The following WDPCP variants were observed in gnomAD, a reference collection of about 807,000 sequenced individuals.
WDPCP encodes the protein WD repeat containing planar cell polarity effector.
A neutral mutation model predicts 93.1 loss-of-function variants in WDPCP; 71 were observed. The observed-to-expected ratio is 0.76, with a 90% CI of 0.63 to 0.93. WDPCP has a LOEUF of 0.93. Ranked by LOEUF, WDPCP falls within the 40% of genes least tolerant of loss-of-function variation. The pLI is 0.00. For missense variants in WDPCP, 844 were observed against 887.4 expected, an observed-to-expected ratio of 0.95 and a Z score of 0.62; for synonymous variants, 315 against 315.0, an observed-to-expected ratio of 1.00 and a Z score of 0.00.
chr2:63,558,509 C>T (rs1464266507), intron 1 of WDPCP, among the ~76,000 whole-genome samples: 1 of 141,196 alleles, frequency 7.1e-6, no homozygotes, highest in South Asian at 2.3e-4. Context: ...AGCCTGGCAA[C>T]AGAGTGAGAC....
chr2:63,368,126 A>G (rs1170732188), intron 12 of WDPCP, among the ~76,000 whole-genome samples: 1 of 152,122 alleles, frequency 6.6e-6, no homozygotes, highest in East Asian at 1.9e-4. Context: ...TTAGTTACAC[A>G]TGCATATCTG....
At position 63,259,420 on chromosome 2, in the gene WDPCP, A is replaced by G. The variant is rs2104772785; in HGVS notation, c.1813-11T>C. ...AAGGTAATGAATATCCTGAGGAAAT[A>G]AAGCAAAATAAAAGATTGATTCAAA... On this transcript the variant is annotated splice_polypyrimidine_tract_variant and intron_variant, in intron 13 of 17. Coordinates refer to ENST00000272321, the MANE Select transcript of WDPCP (RefSeq NM_015910.7). 4 of 1,599,122 alleles carry G rather than the reference A, an allele frequency of 2.5e-6. No individual in the cohort carries two copies. The highest frequency in any genetic ancestry group is 3.4e-6 in the Non-Finnish European group (4 of 1,170,980).
intron 9 of WDPCP, among the ~76,000 whole-genome samples, chr2:63,410,487 C>T (rs528704499): frequency 6.6e-6 from 1 of 152,024 alleles, no homozygotes; most frequent in African/African-American, 2.4e-5. Context: ...AAACAAAAAA[C>T]CAAAAGTACA....
chr2:63,375,731 G>A (rs150471587), intron 12 of WDPCP, among the ~76,000 whole-genome samples: 1 of 151,896 alleles, frequency 6.6e-6, no homozygotes, highest in Non-Finnish European at 1.5e-5. Context: ...TAATCTACAT[G>A]GTATACTTGT....
At chr2:63,827,235 C>T (rs938395499) in intron 1 of WDPCP, among the ~76,000 whole-genome samples, 1 of 152,268 alleles carries the variant, frequency 6.6e-6, no homozygotes, top group Middle Eastern at 3.4e-3. Flanking sequence ...TTAAGCCCTC[C>T]TTCTGACCCT....
chr2:63,327,034 C>T (rs1687610309), intron 12 of WDPCP, among the ~76,000 whole-genome samples: 1 of 152,144 alleles, frequency 6.6e-6, no homozygotes, highest in African/African-American at 2.4e-5. Context: ...AACAGGTTTC[C>T]TAACAGGGGA....
chr2:63,338,334 A>C (rs1050259455), intron 12 of WDPCP, among the ~76,000 whole-genome samples: 28 of 151,784 alleles, frequency 1.8e-4, no homozygotes, highest in Non-Finnish European at 3.5e-4. Flanking sequence ...ACCTGAGGTC[A>C]TGAGGTCAGG....
At chr2:63,682,382 T>C (rs1575746402) in intron 2 of WDPCP, among the ~76,000 whole-genome samples, 2 of 152,322 alleles carry the variant, frequency 1.3e-5, no homozygotes, top group East Asian at 3.9e-4. Context: ...AGCTAAAATA[T>C]GCAATAGGCA....
At chr2:63,707,481 G>A (rs1381603482) in intron 2 of WDPCP, among the ~76,000 whole-genome samples, 1 of 152,216 alleles carries the variant, frequency 6.6e-6, no homozygotes, top group East Asian at 1.9e-4. Context: ...GCTCCATCAG[G>A]TCCCTTAAGT....
intron 10 of WDPCP, among the ~76,000 whole-genome samples, chr2:63,384,751 A>C (rs1324911192): frequency 2.0e-5 from 3 of 151,988 alleles, no homozygotes; most frequent in Non-Finnish European, 4.4e-5. Context: ...TAAAAAAAAA[A>C]AATTAACAAA....
At chr2:63,464,211 A>G (rs975765564) in intron 6 of WDPCP, among the ~76,000 whole-genome samples, 5 of 152,204 alleles carry the variant, frequency 3.3e-5, no homozygotes, top group African/African-American at 1.2e-4. Context: ...AAGGACTTAA[A>G]TAGACATTTC....
rs186519316 is a variant in WDPCP, at chr2:63,808,611, C to T, written n.308+5011G>A. On this transcript the variant is annotated intron_variant and non_coding_transcript_variant, in intron 2 of 4. Coordinates refer to the WDPCP transcript ENST00000467687. ...CACCAGCCTCGGCCTCCCGAGGTGCCGGGATTGCAGACGGAGTCTCGTTCA... is the reference window on the plus strand; with the variant it reads ...CACCAGCCTCGGCCTCCCGAGGTGCTGGGATTGCAGACGGAGTCTCGTTCA... Among the ~76,000 whole-genome samples, 661 of 152,330 alleles carry T rather than the reference C, an allele frequency of 4.3e-3. 4 individuals are homozygous for T. The highest frequency in any genetic ancestry group is 0.015 in the African/African-American group (631 of 41,582).
chr2:63,565,038 G>C (rs1706931762), intron 1 of WDPCP, among the ~76,000 whole-genome samples: 1 of 152,150 alleles, frequency 6.6e-6, no homozygotes, highest in African/African-American at 2.4e-5. Context: ...GGCCTCCAAA[G>C]GTGCTGGGAT....
intron 2 of WDPCP, among the ~76,000 whole-genome samples, chr2:63,715,832 A>C (rs927995036): frequency 1.3e-5 from 2 of 152,226 alleles, no homozygotes; most frequent in African/African-American, 4.8e-5. Flanking sequence ...GAGAGGCAAG[A>C]ACAATACTTA....
intron 2 of WDPCP, among the ~76,000 whole-genome samples, chr2:63,782,740 A>ATGTGTGTGTG (rs70965143): frequency 2.8e-3 from 396 of 141,196 alleles, no homozygotes; most frequent in South Asian, 9.1e-3. Flanking sequence ...CACAGGCAAC[A>ATGTGTGTGTG]TGTGTGTGTG....
At chr2:63,793,726 A>G (rs906391365) in intron 2 of WDPCP, among the ~76,000 whole-genome samples, 4 of 152,216 alleles carry the variant, frequency 2.6e-5, no homozygotes, top group Non-Finnish European at 5.9e-5. Context: ...GAAAATGACT[A>G]TGAATGGAAA....
At position 63,418,720 on chromosome 2, in the gene WDPCP, G is replaced by A. The variant is rs949758215; in HGVS notation, c.826-14063C>T. On this transcript the variant is annotated intron_variant, in intron 9 of 17. Transcript: ENST00000272321. ...GGTGAAAAGGCAAACAGTAAGAAGG[G>A]GAAAAACAGTATAGATAATTAAAGG... Among the ~76,000 whole-genome samples, 10 of 152,050 alleles carry A rather than the reference G, an allele frequency of 6.6e-5. No individual in the cohort carries two copies. In the East Asian group the frequency reaches 1.2e-3, roughly 18 times the overall value.
chr2:63,166,535 C>T, intron 15 of WDPCP, among the ~76,000 whole-genome samples: 1 of 152,020 alleles, frequency 6.6e-6, no homozygotes, highest in East Asian at 1.9e-4. Flanking sequence ...CTTCCTGAGG[C>T]GTGTTCCACC....
chr2:63,122,450 C>T (rs1408338032), intron 17 of WDPCP, among the ~76,000 whole-genome samples: 1 of 152,050 alleles, frequency 6.6e-6, no homozygotes, highest in East Asian at 1.9e-4. Context: ...TGGTGTTTTA[C>T]TGAGTATTTG....
Sources: allele counts gnomAD v4.1 joint callset (sites outside exome capture counted in the v4.1 genomes callset), GRCh38; gene constraint gnomAD v4.1.1; transcripts MANE v1.5; gene names NCBI Gene and HGNC (gene_info 2026-07-23, HGNC 2026-07-21).